The following FGGY variants were observed in gnomAD, a reference collection of about 807,000 sequenced individuals.
The protein encoded by FGGY is FGGY carbohydrate kinase domain-containing protein.
Under a neutral mutation model 71.3 loss-of-function variants are expected in FGGY, and 72 were observed. That is an observed-to-expected ratio of 1.01 (90% CI 0.84 to 1.23). The LOEUF (loss-of-function observed/expected upper bound fraction) is 1.23, where lower values mean the gene tolerates loss of function less well. Among genes scored for constraint, FGGY ranks in the 50% most tolerant of loss-of-function variants. FGGY has a pLI of 0.00. For synonymous variants in FGGY, 251 were observed against 250.3 expected (o/e 1.00, Z -0.02); for missense variants, 668 against 682.3 (o/e 0.98, Z 0.23).
intron 4 of FGGY, among the ~76,000 whole-genome samples, chr1:59,370,164 G>GA (rs200162411): frequency 6.6e-6 from 1 of 152,006 alleles, no homozygotes. Flanking sequence ...TAAAAACTTT[G>GA]AAAAAAATCT....
At chr1:59,660,413 T>G (rs1008427436) in intron 12 of FGGY, 120 bp downstream of exon 12, 2 of 707,742 alleles carry the variant, frequency 2.8e-6, no homozygotes, top group East Asian at 5.7e-5. Flanking sequence ...AAAGATTGTT[T>G]GCAAAAAAGA....
chr1:59,754,349 ACTCTT>A (rs1486709685), intron 14 of FGGY, among the ~76,000 whole-genome samples: 1 of 145,616 alleles, frequency 6.9e-6, no homozygotes, highest in African/African-American at 2.5e-5. Flanking sequence ...ATTGCTCACT[ACTCTT>A]CTCTTAATTC....
intron 8 of FGGY, among the ~76,000 whole-genome samples, chr1:59,576,677 G>GACAC (rs57817494): frequency 0.028 from 3,643 of 130,046 alleles, 67 homozygotes; most frequent in African/African-American, 0.047. Flanking sequence ...CAGACAGACA[G>GACAC]ACACACACAC....
chr1:59,726,136 ATGAT>A (rs2097945193), intron 14 of FGGY, among the ~76,000 whole-genome samples: 1 of 152,122 alleles, frequency 6.6e-6, no homozygotes. Context: ...ACAATAAAAA[ATGAT>A]TGTTAGATTT....
intron 14 of FGGY, among the ~76,000 whole-genome samples, chr1:59,701,377 G>A (rs1435357461): frequency 6.6e-6 from 1 of 152,028 alleles, no homozygotes; most frequent in African/African-American, 2.4e-5. Context: ...AATTGACTGA[G>A]GACAGAGCTT....
chr1:59,540,232 A>G (rs1376363488), intron 7 of FGGY, among the ~76,000 whole-genome samples: 1 of 152,220 alleles, frequency 6.6e-6, no homozygotes, highest in African/African-American at 2.4e-5. Context: ...CAGCAGTCCT[A>G]TTCTTAGACA....
At chr1:59,535,459 A>G (rs901432261) in intron 7 of FGGY, among the ~76,000 whole-genome samples, 3 of 152,164 alleles carry the variant, frequency 2.0e-5, no homozygotes, top group African/African-American at 7.2e-5. Context: ...CAGGAATTGA[A>G]CTCAGCTCTG....
chr1:59,757,975 G>A lies in FGGY; in HGVS notation c.1557G>A (p.Pro519=), dbSNP rs150176744. The A allele has an allele frequency of 1.4e-5, 22 of 1,612,596 alleles. No homozygotes were observed. The highest frequency in any genetic ancestry group is 9.3e-5 in the African/African-American group (7 of 74,906). The part of the protein sequence containing the change: ...KMSKVGKVVF[P]RLQDKKYYDK... ...GCAAAGTTGGGAAAGTTGTGTTCCC[G>A]AGACTACAGGATAAAAAGTAAGTGT... Residue 519 remains proline (P), a synonymous_variant, in exon 15 of 16, where the codon CCG becomes CCA. Coordinates refer to ENST00000303721, the MANE Select transcript of FGGY (RefSeq NM_018291.5).
At chr1:59,457,141 A>G in intron 6 of FGGY, 65 bp downstream of exon 6, 1 of 1,186,266 alleles carries the variant, frequency 8.4e-7, no homozygotes, top group Non-Finnish European at 1.2e-6. Context: ...GTTTGTTGTT[A>G]TTGTGGTTTG....
chr1:59,561,641 T>C (rs968262722), intron 8 of FGGY, among the ~76,000 whole-genome samples: 1 of 152,194 alleles, frequency 6.6e-6, no homozygotes, highest in Admixed American at 6.5e-5. Flanking sequence ...AGCACCTTAC[T>C]AAAACTTTGT....
chr1:59,638,472 A>G, intron 11 of FGGY, 97 bp downstream of exon 11: 2 of 1,445,700 alleles, frequency 1.4e-6, no homozygotes, highest in Non-Finnish European at 9.5e-7. Context: ...AGAAAAAAAT[A>G]AAACAGGCCA....
At chr1:59,509,279 C>A (rs1031893745) in intron 6 of FGGY, among the ~76,000 whole-genome samples, 4 of 152,180 alleles carry the variant, frequency 2.6e-5, no homozygotes, top group Non-Finnish European at 4.4e-5. Flanking sequence ...TCTCCGTTAC[C>A]AATATCTCAG....
Position 59,689,092 on chromosome 1 carries a change from T to A in FGGY, c.1512+14959T>A, listed in dbSNP as rs1213627762. Among the ~76,000 whole-genome samples, 5 of 152,048 alleles carry A rather than the reference T, an allele frequency of 3.3e-5. No homozygotes were observed. In the South Asian group the frequency reaches 6.2e-4, roughly 19 times the overall value. The stretch of plus-strand genomic sequence containing the variant: ...GGTTGGGGAGAAAGGCCAGGTACCC[T>A]ATCTTCCAGGAACAGACAGTTGGGT... On this transcript the variant is annotated intron_variant, in intron 14 of 15. Coordinates refer to ENST00000303721, the MANE Select transcript of FGGY (RefSeq NM_018291.5).
intron 11 of FGGY, among the ~76,000 whole-genome samples, chr1:59,648,856 T>TTTC (rs2097127017): frequency 6.6e-6 from 1 of 152,148 alleles, no homozygotes; most frequent in African/African-American, 2.4e-5. Flanking sequence ...ATGCCTAGGT[T>TTTC]TTCTTCTAGG....
chr1:59,391,272 C>T (rs910669066), intron 5 of FGGY, among the ~76,000 whole-genome samples: 1 of 152,090 alleles, frequency 6.6e-6, no homozygotes, highest in Non-Finnish European at 1.5e-5. Context: ...CAGGCCAGCC[C>T]AACCTGAGTT....
At chr1:59,406,105 TAGAC>T (rs1259601583) in intron 5 of FGGY, among the ~76,000 whole-genome samples, 3 of 151,818 alleles carry the variant, frequency 2.0e-5, no homozygotes, top group Admixed American at 6.6e-5. Flanking sequence ...AGCCTGTTAA[TAGAC>T]AGTTGATTCT....
intron 8 of FGGY, among the ~76,000 whole-genome samples, chr1:59,578,602 G>C (rs540003575): frequency 6.6e-6 from 1 of 152,074 alleles, no homozygotes; most frequent in African/African-American, 2.4e-5. Context: ...CATATTTACT[G>C]CTAGAAGCTG....
intron 14 of FGGY, among the ~76,000 whole-genome samples, chr1:59,737,378 G>A (rs889773927): frequency 5.3e-5 from 8 of 152,170 alleles, no homozygotes; most frequent in African/African-American, 1.9e-4. Flanking sequence ...TACACCATGT[G>A]CCTGAAAAAG....
chr1:59,638,518 G>A, intron 11 of FGGY, 143 bp downstream of exon 11: 1 of 918,318 alleles, frequency 1.1e-6, no homozygotes, highest in Non-Finnish European at 1.6e-6. Context: ...CATTGCTGTT[G>A]CTGCTCCCTG....
Sources: allele counts gnomAD v4.1 joint callset (sites outside exome capture counted in the v4.1 genomes callset), GRCh38; gene constraint gnomAD v4.1.1; transcripts MANE v1.5; gene names NCBI Gene and HGNC (gene_info 2026-07-23, HGNC 2026-07-21).